The following TG variants were observed in gnomAD, a reference collection of about 807,000 sequenced individuals.
TG encodes thyroid hormones.
In TG, 270 loss-of-function variants were observed where a neutral mutation model predicts 324.7. That is an observed-to-expected ratio of 0.83 (90% CI 0.75 to 0.92). The LOEUF is 0.92. Among genes scored for constraint, TG ranks in the 40% least tolerant of loss-of-function variants. The pLI is 0.00. For missense variants in TG, 3,591 were observed against 3,456.4 expected (o/e 1.04, Z -0.98); for synonymous variants, 1,401 against 1,327.0 (o/e 1.06, Z -1.21).
chr8:132,898,892 C>A lies in TG; in HGVS notation c.3312C>A (p.Phe1104Leu), dbSNP rs1430125983. 1 of 1,614,074 alleles carries A rather than the reference C, an allele frequency of 6.2e-7. No individual in the cohort carries two copies. Among genetic ancestry groups the A allele is most frequent in the Admixed American group, 1.7e-5 (1 of 60,020 alleles). Residue 1104 changes from phenylalanine to leucine, a missense_variant, in exon 14 of 48, where the codon TTC (phenylalanine) becomes TTA (leucine). Phe to Leu is a conservative substitution (Grantham distance 22). Coordinates refer to ENST00000220616, the MANE Select transcript of TG (RefSeq NM_003235.5). ...AAAACCCATCTCCAAAAGACCTGTT[C>A]GTCCCAGCCTGCCTAGAAGTAAGGG... ...SQENPSPKDLFVPACLETGEY... is the reference protein window; with the variant it reads ...SQENPSPKDLLVPACLETGEY...
At chr8:132,968,785 G>T (rs1829021893) in intron 31 of TG, among the ~76,000 whole-genome samples, 1 of 152,194 alleles carries the variant, frequency 6.6e-6, no homozygotes, top group African/African-American at 2.4e-5. Context: ...ACCTGGCCTT[G>T]GGGCACGAAC....
intron 5 of TG, among the ~76,000 whole-genome samples, chr8:132,876,547 A>G (rs1813824468): frequency 6.6e-6 from 1 of 152,178 alleles, no homozygotes; most frequent in African/African-American, 2.4e-5. Flanking sequence ...TGAGTTATTT[A>G]TGTGCTGGGT....
intron 40 of TG, among the ~76,000 whole-genome samples, chr8:133,026,571 A>G (rs10108500): frequency 0.23 from 35,352 of 152,142 alleles, 4,957 homozygotes; most frequent in African/African-American, 0.38. Context: ...GGGTGGTGGC[A>G]TCAGACGGGA....
At position 132,888,191 on chromosome 8, in the gene TG, A is replaced by G; in HGVS notation, c.2384A>G (p.Gln795Arg). The change falls in exon 10 of 48, where the codon CAG becomes CGG. Residue 795 changes from glutamine to arginine, a missense_variant. Physicochemically the swap from Gln to Arg is conservative, Grantham distance 43. Coordinates refer to ENST00000220616, the MANE Select transcript of TG (RefSeq NM_003235.5). ...CGATGGGAGGCTCAGAACAAGGGCC[A>G]GGATCTGACGCCTGCCAAGCTGCTA... ...YQRWEAQNKGQDLTPAKLLVK... is the reference protein window; with the variant it reads ...YQRWEAQNKGRDLTPAKLLVK... The G allele has an allele frequency of 1.2e-6, 2 of 1,614,244 alleles. No individual in the cohort carries two copies. The highest frequency in any genetic ancestry group is 1.7e-6 in the Non-Finnish European group (2 of 1,180,036).
chr8:133,134,356 T>C (rs1458129139), intron 47 of TG, among the ~76,000 whole-genome samples: 1 of 152,118 alleles, frequency 6.6e-6, no homozygotes, highest in Non-Finnish European at 1.5e-5. Flanking sequence ...CAGGAGTTTT[T>C]CAGATACAGA....
chr8:133,133,004 G>A (rs1350830154), intron 46 of TG, among the ~76,000 whole-genome samples: 2 of 152,196 alleles, frequency 1.3e-5, no homozygotes, highest in Non-Finnish European at 2.9e-5. Context: ...AGACGGGCCT[G>A]GGCAGCAAGT....
chr8:133,000,921 G>T (rs115592030), intron 35 of TG, among the ~76,000 whole-genome samples: 7 of 152,254 alleles, frequency 4.6e-5, no homozygotes, highest in African/African-American at 1.4e-4. Flanking sequence ...TCTGGAGGCT[G>T]CAAGTCTGAG....
intron 41 of TG, among the ~76,000 whole-genome samples, chr8:133,068,360 A>G (rs1022252985): frequency 3.3e-5 from 5 of 152,232 alleles, no homozygotes; most frequent in Non-Finnish European, 7.3e-5. Context: ...TCAGGCTAAC[A>G]GAGAGGCTGG....
At chr8:132,970,544 A>G (rs1286944204) in intron 32 of TG, among the ~76,000 whole-genome samples, 1 of 152,194 alleles carries the variant, frequency 6.6e-6, no homozygotes, top group Non-Finnish European at 1.5e-5. Context: ...TGATCTATGA[A>G]GTGCTCTTGA....
At chr8:133,010,849 G>A (rs970451540) in intron 35 of TG, among the ~76,000 whole-genome samples, 2 of 152,110 alleles carry the variant, frequency 1.3e-5, no homozygotes, top group African/African-American at 2.4e-5. Context: ...AGACAGCCAC[G>A]TCCTACGTAC....
At chr8:132,908,458 GTT>G in intron 18 of TG, 118 bp downstream of exon 18, 1 of 272,302 alleles carries the variant, frequency 3.7e-6, no homozygotes, top group Non-Finnish European at 6.5e-6. Context: ...ATCTTCAAGT[GTT>G]TGCTGGAACT....
chr8:133,121,720 G>A (rs1851155719), intron 45 of TG, among the ~76,000 whole-genome samples: 1 of 152,178 alleles, frequency 6.6e-6, no homozygotes, highest in Admixed American at 6.6e-5. Flanking sequence ...CATCTCAAAG[G>A]TTGTGACGAT....
At chr8:133,056,052 C>G (rs1841391761) in intron 41 of TG, among the ~76,000 whole-genome samples, 1 of 152,170 alleles carries the variant, frequency 6.6e-6, no homozygotes, top group African/African-American at 2.4e-5. Context: ...AAGCTGAGTG[C>G]CAGGTTTCAA....
chr8:132,964,890 A>G, intron 29 of TG: 1 of 702,194 alleles, frequency 1.4e-6, no homozygotes, highest in South Asian at 1.5e-5. Flanking sequence ...GGGCCAGGAA[A>G]GGTTTCTCGG....
intron 35 of TG, among the ~76,000 whole-genome samples, chr8:132,984,575 T>C (rs894062162): frequency 2.0e-5 from 3 of 152,124 alleles, no homozygotes; most frequent in Admixed American, 6.5e-5. Flanking sequence ...TTGGTCAAAA[T>C]TGATTTTGAA....
intron 17 of TG, 96 bp from the exon 18 acceptor site, chr8:132,908,090 C>T (rs1459935442): frequency 1.6e-5 from 23 of 1,436,086 alleles, no homozygotes; most frequent in South Asian, 3.5e-5. Flanking sequence ...GTTTTGAGCT[C>T]AATGAGGAAG....
intron 20 of TG, 137 bp from the exon 21 acceptor site, chr8:132,919,239 T>C (rs1483110763): frequency 1.1e-6 from 1 of 919,182 alleles, no homozygotes; most frequent in Non-Finnish European, 1.7e-6. Context: ...TGACACACAG[T>C]AGGTTCTCAG....
At chr8:132,887,962 C>G in intron 9 of TG, 22 bp from the exon 10 acceptor site, 1 of 1,601,102 alleles carries the variant, frequency 6.2e-7, no homozygotes, top group Non-Finnish European at 8.5e-7. Context: ...AACTGAAACA[C>G]CTGCTCATTG....
At chr8:132,995,671 G>A (rs1832805068) in intron 35 of TG, among the ~76,000 whole-genome samples, 1 of 152,198 alleles carries the variant, frequency 6.6e-6, no homozygotes, top group South Asian at 2.1e-4. Context: ...TGTGTTTGGG[G>A]AAGTTGGTGG....
Sources: gnomAD v4.1 joint callset for allele counts (sites outside exome capture counted in the v4.1 genomes callset) on GRCh38, gnomAD v4.1.1 for gene constraint, MANE v1.5 for transcripts, NCBI Gene and HGNC (gene_info 2026-07-23, HGNC 2026-07-21) for gene names.